STON1: variants seen among roughly 807,000 people sequenced by gnomAD.
The protein encoded by STON1 is stonin-1.
A neutral mutation model predicts 60.9 loss-of-function variants in STON1; 79 were observed. The ratio of observed to expected loss-of-function variants is 1.30; its 90% confidence interval spans 1.08 to 1.56. The LOEUF is 1.56. STON1 is among the 40% of genes most tolerant of loss of function. The probability of loss-of-function intolerance (pLI) is 0.00; values close to 1 mark genes in which losing one functional copy is unlikely to be tolerated. For missense variants in STON1, 1,166 were observed against 858.9 expected, an observed-to-expected ratio of 1.36 and a Z score of -4.47; for synonymous variants, 363 against 306.9, an observed-to-expected ratio of 1.18 and a Z score of -1.91.
intron 3 of STON1, among the ~76,000 whole-genome samples, chr2:48,592,884 G>T (rs973981634): frequency 1.3e-5 from 2 of 151,904 alleles, no homozygotes; most frequent in Admixed American, 1.3e-4. Context: ...CAAAGTGCTG[G>T]GATTACAAGC....
intron 1 of STON1, among the ~76,000 whole-genome samples, chr2:48,534,672 A>G (rs1242798781): frequency 6.6e-6 from 1 of 151,938 alleles, no homozygotes; most frequent in African/African-American, 2.4e-5. Context: ...AGTCCCAAGT[A>G]CTCAGGAGGC....
At chr2:48,591,894 C>A in intron 3 of STON1, 39 bp downstream of exon 3, 1 of 1,601,564 alleles carries the variant, frequency 6.2e-7, no homozygotes, top group Non-Finnish European at 8.5e-7. Flanking sequence ...CCTGATTTGG[C>A]TTTAAATATT....
intron 1 of STON1, among the ~76,000 whole-genome samples, chr2:48,570,623 T>C (rs962142383): frequency 6.6e-6 from 1 of 152,118 alleles, no homozygotes; most frequent in African/African-American, 2.4e-5. Flanking sequence ...TTGTTATTCC[T>C]GGTGTGAATA....
rs1673016567 is a variant in STON1, at chr2:48,567,908, G to C, written c.-47-12679G>C. Among the ~76,000 whole-genome samples the C allele has an allele frequency of 2.8e-5, 4 of 143,612 alleles. 1 individual carries two copies. In the South Asian group the frequency reaches 8.9e-4, roughly 32 times the overall value. The allele number at this position is 143,612 out of a possible 152,430, so 94.2% of individuals were successfully genotyped here. ...AATGCTGCTAAAGTCTAGTTACAGTGTTGCTCTTGAGGAGTCTGGCGCTAT... is the reference window on the plus strand; with the variant it reads ...AATGCTGCTAAAGTCTAGTTACAGTCTTGCTCTTGAGGAGTCTGGCGCTAT... On this transcript the variant is annotated intron_variant, in intron 1 of 3. Coordinates refer to ENST00000404752, the MANE Select transcript of STON1 (RefSeq NM_006873.4).
intron 1 of STON1, among the ~76,000 whole-genome samples, chr2:48,564,644 C>CTTTCTTATTT (rs1558606341): frequency 2.6e-5 from 3 of 117,062 alleles, no homozygotes; most frequent in African/African-American, 1.1e-4. Flanking sequence ...TTCTCCTTCT[C>CTTTCTTATTT]CTTCTTCTTC....
chr2:48,557,070 G>C (rs1672398724), intron 1 of STON1, among the ~76,000 whole-genome samples: 2 of 104,172 alleles, frequency 1.9e-5, no homozygotes, highest in Non-Finnish European at 2.1e-5. Flanking sequence ...CGGGCGGGGG[G>C]CTGACCCCCC....
Position 48,580,937 on chromosome 2 carries a change from CT to C in STON1, c.307del (p.Tyr103IlefsTer47). 1 of 1,599,408 alleles carries C rather than the reference CT, an allele frequency of 6.3e-7. No homozygotes were observed. The highest frequency in any genetic ancestry group is 8.5e-7 in the Non-Finnish European group (1 of 1,174,434). On this transcript the variant is annotated frameshift_variant, in exon 2 of 4. Coordinates refer to ENST00000404752, the MANE Select transcript of STON1 (RefSeq NM_006873.4). LOFTEE classifies it high-confidence loss of function. ...CATCCCCAAAGCAGGGACTCATGTG[CT>C]TTATCCTATTCCAGAATCATCTTCA... ...PGIPKAGTHV[L>X]YPIPESSSDS...
intron 1 of STON1, among the ~76,000 whole-genome samples, chr2:48,561,559 G>C (rs143303337): frequency 1.1e-3 from 168 of 152,266 alleles, no homozygotes; most frequent in African/African-American, 3.9e-3. Flanking sequence ...TGACCTCCTT[G>C]CTTTTGACAT....
At chr2:48,533,792 A>T (rs1671315033) in intron 1 of STON1, among the ~76,000 whole-genome samples, 1 of 148,052 alleles carries the variant, frequency 6.8e-6, no homozygotes, top group South Asian at 2.2e-4. Flanking sequence ...TTTTTGAGAC[A>T]AAGTTTTGCT....
chr2:48,585,271 G>A (rs1674142748), intron 2 of STON1, among the ~76,000 whole-genome samples: 1 of 151,828 alleles, frequency 6.6e-6, no homozygotes, highest in African/African-American at 2.4e-5. Flanking sequence ...TTTTTGGGAT[G>A]GAGTGTTGCT....
chr2:48,570,227 C>T (rs773752955), intron 1 of STON1, among the ~76,000 whole-genome samples: 34 of 152,076 alleles, frequency 2.2e-4, no homozygotes, highest in East Asian at 9.7e-4. Context: ...CTCAGCTACT[C>T]GGGAGCCTGA....
intron 1 of STON1, among the ~76,000 whole-genome samples, chr2:48,566,326 C>T (rs1447844929): frequency 6.6e-6 from 1 of 152,190 alleles, no homozygotes; most frequent in Non-Finnish European, 1.5e-5. Flanking sequence ...CAGGTGCCCA[C>T]CACCACGCCC....
rs751171514 is a variant in STON1 at position 48,591,690 on chromosome 2, G to C, written c.1968G>C (p.Glu656Asp). The change falls in exon 3 of 4, where the codon GAG becomes GAC. Residue 656 changes from glutamate to aspartate, a missense_variant. Transcript: ENST00000404752. ...DHPHCLSYKL[E>D]LGSDQEIPSD... ...CCCATTGTCTGTCATACAAATTAGA[G>C]CTTGGATCAGACCAAGAAATTCCCT... 6 of 1,614,034 alleles carry C rather than the reference G, an allele frequency of 3.7e-6. No individual in the cohort carries two copies. The highest frequency in any genetic ancestry group is 5.1e-6 in the Non-Finnish European group (6 of 1,180,008).
At chr2:48,584,915 C>T (rs1264796308) in intron 2 of STON1, among the ~76,000 whole-genome samples, 1 of 152,118 alleles carries the variant, frequency 6.6e-6, no homozygotes, top group East Asian at 1.9e-4. Context: ...GGGCAGGATC[C>T]TTCAGGTGAG....
chr2:48,563,425 G>A (rs767764581), intron 1 of STON1, among the ~76,000 whole-genome samples: 27 of 152,204 alleles, frequency 1.8e-4, no homozygotes, highest in South Asian at 4.1e-4. Context: ...CCTCCTACGC[G>A]GACTGCTGGT....
chr2:48,567,202 C>T (rs778263361), intron 1 of STON1, among the ~76,000 whole-genome samples: 11 of 152,164 alleles, frequency 7.2e-5, no homozygotes, highest in Non-Finnish European at 1.2e-4. Context: ...AAATACCCCA[C>T]ATGTTTGCGA....
At chr2:48,546,988 C>G (rs1003614110) in intron 1 of STON1, among the ~76,000 whole-genome samples, 1 of 152,168 alleles carries the variant, frequency 6.6e-6, no homozygotes, top group African/African-American at 2.4e-5. Context: ...ATAGTAGGTG[C>G]TTAGTGAGTT....
intron 2 of STON1, among the ~76,000 whole-genome samples, chr2:48,587,280 T>G (rs1572643420): frequency 6.9e-6 from 1 of 144,678 alleles, no homozygotes; most frequent in East Asian, 1.9e-4. Context: ...TGCTCTCCCA[T>G]GAGTATTTAT....
intron 1 of STON1, among the ~76,000 whole-genome samples, chr2:48,550,957 T>C (rs1672077525): frequency 6.6e-6 from 1 of 152,006 alleles, no homozygotes; most frequent in Admixed American, 6.5e-5. Flanking sequence ...TCTTTTTCTT[T>C]TCTTTTTACT....
Sources: gnomAD v4.1 joint callset for allele counts (sites outside exome capture counted in the v4.1 genomes callset) on GRCh38, gnomAD v4.1.1 for gene constraint, MANE v1.5 for transcripts, NCBI Gene and HGNC (gene_info 2026-07-23, HGNC 2026-07-21) for gene names.